SND1: variants seen among roughly 807,000 people sequenced by gnomAD.
The protein encoded by SND1 is staphylococcal nuclease and tudor domain containing 1.
SND1 carries 38 observed loss-of-function variants against 121.7 expected under a neutral mutation model. The observed-to-expected ratio is 0.31, with a 90% CI of 0.24 to 0.41. The LOEUF is 0.41. Among genes scored for constraint, SND1 ranks in the 10% least tolerant of loss-of-function variants. SND1 has a pLI of 1.00. For missense variants in SND1, 868 were observed against 1,184.6 expected (o/e 0.73, Z 3.92); for synonymous variants, 401 against 447.4 (o/e 0.90, Z 1.31).
chr7:127,923,059 G>C (rs925178194), intron 14 of SND1, among the ~76,000 whole-genome samples: 6 of 152,154 alleles, frequency 3.9e-5, no homozygotes, highest in African/African-American at 7.2e-5. Flanking sequence ...CATGATTATA[G>C]CTCTCGGCAG....
rs369764530 is a variant in SND1 at position 128,029,225 on chromosome 7, C to T, written c.1779+38169C>T. The stretch of plus-strand genomic sequence containing the variant: ...TGGACGTGGTAGGAACAGGCTTGTA[C>T]TTTCGCGTTGTGTCCTCAGGCGAGA... On this transcript the variant is annotated intron_variant, in intron 16 of 23. Coordinates refer to ENST00000354725, the MANE Select transcript of SND1 (RefSeq NM_014390.4). The surrounding 1 kb of genome is among the most constrained non-coding windows in gnomAD (Gnocchi z 4.2). 60 of 1,614,098 alleles carry T rather than the reference C, an allele frequency of 3.7e-5. No homozygotes were observed. The highest frequency in any genetic ancestry group is 4.9e-5 in the Non-Finnish European group (58 of 1,180,036).
chr7:128,013,765 G>A (rs555162108), intron 16 of SND1, among the ~76,000 whole-genome samples: 62 of 152,296 alleles, frequency 4.1e-4, no homozygotes, highest in South Asian at 1.2e-3. Context: ...CACATGAGGC[G>A]GAGCCCTGGC....
intron 11 of SND1, among the ~76,000 whole-genome samples, chr7:127,841,638 T>C (rs1276580901): frequency 6.6e-6 from 1 of 152,198 alleles, no homozygotes; most frequent in African/African-American, 2.4e-5. Context: ...TTCCCTTCCC[T>C]GGTTCTGAGT....
rs897235200 is a variant in SND1, at chr7:128,085,237, C to T, written c.2234+390C>T. Reference sequence around the variant, plus strand: ...AAACCAGCTGCCCGACCCTCTTCCCCGGCTGTCTAGGACATGAGCAGCAGT... The same window carrying T: ...AAACCAGCTGCCCGACCCTCTTCCCTGGCTGTCTAGGACATGAGCAGCAGT... On this transcript the variant is annotated intron_variant, in intron 19 of 23. Coordinates refer to ENST00000354725, the MANE Select transcript of SND1 (RefSeq NM_014390.4). The surrounding 1 kb of genome is among the most constrained non-coding windows in gnomAD (Gnocchi z 4.4). Among the ~76,000 whole-genome samples the T allele has an allele frequency of 3.3e-5, 5 of 152,150 alleles. No individual in the cohort carries two copies. The South Asian group carries it at 8.3e-4, about 25-fold the overall frequency.
chr7:127,819,477 A>C (rs1294658515), intron 11 of SND1, among the ~76,000 whole-genome samples: 1 of 152,238 alleles, frequency 6.6e-6, no homozygotes, highest in Non-Finnish European at 1.5e-5. Context: ...TCAGATTCTG[A>C]CTTAACAACA....
At chr7:127,686,818 C>T in intron 2 of SND1, 56 bp downstream of exon 2, 1 of 1,551,732 alleles carries the variant, frequency 6.4e-7, no homozygotes, top group African/African-American at 1.4e-5. Flanking sequence ...AGCCCACTGT[C>T]TTCTGTCGCT....
chr7:127,978,805 G>T (rs377185690), intron 15 of SND1, among the ~76,000 whole-genome samples: 3 of 152,160 alleles, frequency 2.0e-5, no homozygotes, highest in Admixed American at 2.0e-4. Flanking sequence ...TCCTGCGTCA[G>T]CCTGCCGAGT....
rs187047670 is a variant in SND1, at chr7:127,857,945, C to T, written c.1343+13521C>T. On this transcript the variant is annotated intron_variant, in intron 12 of 23. Coordinates refer to ENST00000354725, the MANE Select transcript of SND1 (RefSeq NM_014390.4). ...TAAACACCATCAGGAAAGTAGCCTT[C>T]GCTCACCCAGGTCTGCATCTGGTCG... 9.5e-5 allele frequency: 130 copies of T among 1,364,720 alleles called. No individual in the cohort carries two copies. In the East Asian group the frequency reaches 2.5e-3, roughly 26 times the overall value. The allele number at this position is 1,364,720 out of a possible 1,614,324, so 84.5% of individuals were successfully genotyped here.
rs115307938 is a variant in SND1 at position 127,787,337 on chromosome 7, C to T, written c.1153-20147C>T. 5.8e-3 allele frequency among the ~76,000 whole-genome samples: 887 copies of T among 152,258 alleles called. 16 individuals carry two copies. The highest frequency in any genetic ancestry group is 0.02 in the African/African-American group (845 of 41,540). On this transcript the variant is annotated intron_variant, in intron 10 of 23. Coordinates refer to ENST00000354725, the MANE Select transcript of SND1 (RefSeq NM_014390.4). ...GCAGCCTCAAATTGCTGGGCTCAAG[C>T]TATCCTCCTGCCTCAGCCTCCCAAG...
At chr7:127,744,317 A>C (rs758089512) in intron 10 of SND1, among the ~76,000 whole-genome samples, 1 of 152,050 alleles carries the variant, frequency 6.6e-6, no homozygotes, top group African/African-American at 2.4e-5. Context: ...GACCACCCAG[A>C]TGACCTGCTT....
intron 12 of SND1, chr7:127,858,317 C>G (rs1299261046): frequency 8.9e-7 from 1 of 1,118,186 alleles, no homozygotes; most frequent in Admixed American, 2.0e-5. Context: ...CCCCTTGCTG[C>G]TCCCTTTGCC....
At chr7:127,718,546 G>C in intron 9 of SND1, 1 of 985,266 alleles carries the variant, frequency 1.0e-6, no homozygotes, top group Non-Finnish European at 1.2e-6. Flanking sequence ...ACCTTGCTTA[G>C]CTGGCAGTGG....
At chr7:127,849,682 A>T (rs928571684) in intron 12 of SND1, among the ~76,000 whole-genome samples, 4 of 152,232 alleles carry the variant, frequency 2.6e-5, no homozygotes, top group African/African-American at 9.6e-5. Context: ...TGGAACCTTG[A>T]AAGGTGAGCA....
At chr7:127,926,556 T>C (rs984328759) in intron 14 of SND1, among the ~76,000 whole-genome samples, 47 of 138,254 alleles carry the variant, frequency 3.4e-4, no homozygotes, top group East Asian at 6.0e-4. Flanking sequence ...TTTCTTTTTT[T>C]TTTTTTTTTT....
chr7:127,789,250 C>T (rs1797867780), intron 10 of SND1, among the ~76,000 whole-genome samples: 1 of 152,208 alleles, frequency 6.6e-6, no homozygotes, highest in African/African-American at 2.4e-5. Context: ...TGATGATTCA[C>T]TGTTAATGGT....
At chr7:127,713,122 G>T (rs887005757) in intron 9 of SND1, among the ~76,000 whole-genome samples, 1 of 152,230 alleles carries the variant, frequency 6.6e-6, no homozygotes, top group African/African-American at 2.4e-5. Context: ...TTTAGGCTTG[G>T]TGGCCATGTG....
intron 10 of SND1, among the ~76,000 whole-genome samples, chr7:127,770,989 C>T (rs1042874051): frequency 1.1e-4 from 17 of 152,078 alleles, no homozygotes; most frequent in African/African-American, 2.4e-4. Context: ...ACTGATATCT[C>T]GTTGGCTAAA....
chr7:127,878,514 CGCT>C (rs1399019400), intron 12 of SND1, among the ~76,000 whole-genome samples: 1 of 152,138 alleles, frequency 6.6e-6, no homozygotes, highest in Non-Finnish European at 1.5e-5. Context: ...TGCCCCAAGG[CGCT>C]GCAGCTCTTG....
intron 10 of SND1, among the ~76,000 whole-genome samples, chr7:127,764,435 A>C (rs561298037): frequency 3.3e-5 from 5 of 152,276 alleles, no homozygotes; most frequent in African/African-American, 1.2e-4. Context: ...CTCTGGAAGG[A>C]ACTCCATGCT....
Sources: allele counts gnomAD v4.1 joint callset (sites outside exome capture counted in the v4.1 genomes callset), GRCh38; gene constraint gnomAD v4.1.1; non-coding constraint Gnocchi (gnomAD v3.1); transcripts MANE v1.5; gene names NCBI Gene and HGNC (gene_info 2026-07-23, HGNC 2026-07-21).